The following PTN variants were observed in gnomAD, a reference collection of about 807,000 sequenced individuals.
PTN encodes the protein heparin affin regulatory protein.
In PTN, 18 loss-of-function variants were observed where a neutral mutation model predicts 24.1. The observed-to-expected ratio is 0.75, with a 90% CI of 0.52 to 1.11. The LOEUF (loss-of-function observed/expected upper bound fraction) is 1.11, where lower values mean the gene tolerates loss of function less well. Among genes scored for constraint, PTN ranks in the 50% least tolerant of loss-of-function variants. The pLI is 0.00. For missense variants in PTN, 163 were observed against 198.8 expected (o/e 0.82, Z 1.08); for synonymous variants, 78 against 68.6 (o/e 1.14, Z -0.67).
intron 1 of PTN, among the ~76,000 whole-genome samples, chr7:137,279,052 T>C (rs1466240850): frequency 6.6e-6 from 1 of 150,502 alleles, no homozygotes; most frequent in Non-Finnish European, 1.5e-5. Context: ...TTCACATGAG[T>C]AGAAAAAAGT....
intron 2 of PTN, among the ~76,000 whole-genome samples, chr7:137,254,201 G>A (rs957674154): frequency 5.3e-5 from 8 of 152,024 alleles, no homozygotes; most frequent in South Asian, 2.1e-4. Flanking sequence ...GGGAAGCTGA[G>A]GCAGGAGAAT....
At chr7:137,338,532 T>C (rs76526947) in intron 1 of PTN, among the ~76,000 whole-genome samples, 2,748 of 152,300 alleles carry the variant, frequency 0.018, 48 homozygotes, top group South Asian at 0.074. Context: ...CTTTTTCTCA[T>C]AAAAATGTGA....
intron 1 of PTN, among the ~76,000 whole-genome samples, chr7:137,274,400 A>C (rs909998349): frequency 6.6e-6 from 1 of 152,164 alleles, no homozygotes; most frequent in Non-Finnish European, 1.5e-5. Context: ...TCTGGGGTAC[A>C]TGTGCAGAAC....
intron 1 of PTN, among the ~76,000 whole-genome samples, chr7:137,290,508 G>A (rs1208371963): frequency 6.6e-6 from 1 of 152,030 alleles, no homozygotes; most frequent in Non-Finnish European, 1.5e-5. Context: ...CTGATCATAT[G>A]GAATTATAAA....
intron 1 of PTN, among the ~76,000 whole-genome samples, chr7:137,275,599 T>C (rs1472611435): frequency 6.6e-6 from 1 of 152,184 alleles, no homozygotes; most frequent in Non-Finnish European, 1.5e-5. Flanking sequence ...CAAAATCTCT[T>C]GTGGGAAATT....
At chr7:137,311,215 G>C (rs322341) in intron 1 of PTN, among the ~76,000 whole-genome samples, 2 of 140,534 alleles carry the variant, frequency 1.4e-5, no homozygotes, top group Admixed American at 1.4e-4. Context: ...CTGGGTGACA[G>C]AGGGAGACTC....
At chr7:137,232,569 T>C (rs1333233194) in intron 4 of PTN, among the ~76,000 whole-genome samples, 1 of 151,990 alleles carries the variant, frequency 6.6e-6, no homozygotes, top group Admixed American at 6.6e-5. Context: ...CTTACATTGC[T>C]ATGAATCATA....
At chr7:137,324,433 A>AAAAAATATAT in intron 1 of PTN, among the ~76,000 whole-genome samples, 193 of 88,736 alleles carry the variant, frequency 2.2e-3, no homozygotes, top group Middle Eastern at 0.017. Context: ...AAAAAAAAAA[A>AAAAAATATAT]ATATATATAT....
At chr7:137,272,565 C>T (rs758618684) in intron 1 of PTN, among the ~76,000 whole-genome samples, 38 of 152,282 alleles carry the variant, frequency 2.5e-4, no homozygotes, top group Admixed American at 1.1e-3. Context: ...TTATTGATTC[C>T]ATAAAATGTG....
chr7:137,239,390 A>ATTTATTTG (rs1808582124), intron 4 of PTN, among the ~76,000 whole-genome samples: 1 of 110,752 alleles, frequency 9.0e-6, no homozygotes, highest in African/African-American at 2.9e-5. Flanking sequence ...TTATTTATTT[A>ATTTATTTG]TTTATTTATT....
In PTN at chr7:137,253,538, G is replaced by T; in HGVS notation, c.215C>A (p.Thr72Asn). The change falls in exon 3 of 5, where the codon ACT (threonine) becomes AAT (asparagine). Residue 72 changes from threonine to asparagine, a missense_variant. Coordinates refer to ENST00000348225, the MANE Select transcript of PTN (RefSeq NM_002825.7). The stretch of plus-strand genomic sequence containing the variant: ...CATGGTTTGCTTGCACTCAGCTCCA[G>T]TCCGAGTGCCCTCCCGTGTGCCCAG... ...CGLGTREGTR[T>N]GAECKQTMKT... 6.2e-7 allele frequency: 1 copy of T among 1,612,478 alleles called. No homozygotes were observed. Among genetic ancestry groups the T allele is most frequent in the Non-Finnish European group, 8.5e-7 (1 of 1,179,334 alleles).
chr7:137,284,539 C>A (rs1809524450), intron 1 of PTN, among the ~76,000 whole-genome samples: 1 of 152,058 alleles, frequency 6.6e-6, no homozygotes, highest in Non-Finnish European at 1.5e-5. Context: ...GCCAAATAAA[C>A]CTCATTTAGT....
chr7:137,305,767 G>A (rs980868982), intron 1 of PTN, among the ~76,000 whole-genome samples: 1 of 152,042 alleles, frequency 6.6e-6, no homozygotes, highest in African/African-American at 2.4e-5. Context: ...CAAATCAAGT[G>A]GCAACCTTAT....
intron 1 of PTN, among the ~76,000 whole-genome samples, chr7:137,304,881 T>G (rs1314696376): frequency 2.0e-5 from 3 of 151,970 alleles, no homozygotes; most frequent in African/African-American, 7.2e-5. Context: ...AGTTGGGAAC[T>G]AAGGACTCCC....
chr7:137,303,938 T>C (rs1354349421), intron 1 of PTN, among the ~76,000 whole-genome samples: 2 of 151,946 alleles, frequency 1.3e-5, no homozygotes, highest in African/African-American at 4.8e-5. Flanking sequence ...ACAAAAAAAT[T>C]TGATGTGGCA....
chr7:137,295,757 T>C (rs188033128), intron 1 of PTN, among the ~76,000 whole-genome samples: 1 of 152,180 alleles, frequency 6.6e-6, no homozygotes, highest in Non-Finnish European at 1.5e-5. Flanking sequence ...ATTATATTTG[T>C]ATTGGCCGGT....
At chr7:137,321,381 C>A (rs1418699735) in intron 1 of PTN, among the ~76,000 whole-genome samples, 2 of 152,160 alleles carry the variant, frequency 1.3e-5, no homozygotes, top group Non-Finnish European at 2.9e-5. Flanking sequence ...TTAACCACAT[C>A]TTTTATATTG....
chr7:137,242,101 T>C (rs1808638550), intron 4 of PTN, among the ~76,000 whole-genome samples: 1 of 152,146 alleles, frequency 6.6e-6, no homozygotes, highest in Admixed American at 6.5e-5. Context: ...AAGAATCTAT[T>C]TAGCTGGGGA....
chr7:137,275,291 G>T (rs1809342999), intron 1 of PTN, among the ~76,000 whole-genome samples: 2 of 152,198 alleles, frequency 1.3e-5, no homozygotes, highest in Admixed American at 1.3e-4. Context: ...GAAATCAAGA[G>T]ACCAGTGTGA....
Sources: gnomAD v4.1 joint callset for allele counts (sites outside exome capture counted in the v4.1 genomes callset) on GRCh38, gnomAD v4.1.1 for gene constraint, MANE v1.5 for transcripts, NCBI Gene and HGNC (gene_info 2026-07-23, HGNC 2026-07-21) for gene names.